MUC12: variants seen among roughly 807,000 people sequenced by gnomAD.
The protein encoded by MUC12 is mucin 12, cell surface associated.
Under a neutral mutation model 230.8 loss-of-function variants are expected in MUC12, and 172 were observed. The observed-to-expected ratio is 0.75, with a 90% CI of 0.66 to 0.85. MUC12 has a LOEUF of 0.85. Ranked by LOEUF, MUC12 falls within the 40% of genes least tolerant of loss-of-function variation. MUC12 has a pLI of 0.00. For missense variants in MUC12, 3,506 were observed against 5,920.6 expected (o/e 0.59, Z 13.38); for synonymous variants, 1,259 against 2,401.9 (o/e 0.52, Z 13.91).
intron 1 of MUC12, among the ~76,000 whole-genome samples, chr7:100,985,927 G>C (rs1002123971): frequency 1.3e-5 from 2 of 152,166 alleles, no homozygotes; most frequent in African/African-American, 4.8e-5. Context: ...TCTGACCCTT[G>C]TATTCAGGGC....
intron 1 of MUC12, 180 bp from the exon 2 acceptor site, chr7:100,990,451 A>G (rs1051060655): frequency 1.4e-6 from 1 of 723,992 alleles, no homozygotes; most frequent in Non-Finnish European, 2.2e-6. Context: ...CATCAATAAA[A>G]TTTCTTCAAA....
chr7:101,015,564 T>A, intron 9 of MUC12, 51 bp from the exon 10 acceptor site: 1 of 1,487,514 alleles, frequency 6.7e-7, no homozygotes, highest in Non-Finnish European at 9.1e-7. Context: ...GTCCACCAAG[T>A]CCCTCCTCAG....
chr7:101,015,837 G>A, intron 10 of MUC12, 146 bp downstream of exon 10: 2 of 692,364 alleles, frequency 2.9e-6, no homozygotes, highest in Non-Finnish European at 4.9e-6. Context: ...TGCCGCTGCA[G>A]CCCCGGACCC....
intron 10 of MUC12, chr7:101,017,318 GC>G (rs35197724): frequency 1.3e-4 from 59 of 448,654 alleles, no homozygotes; most frequent in African/African-American, 7.2e-4. Context: ...CTCCTCCGTG[GC>G]CCCCGCTTCC....
At position 100,992,227 on chromosome 7, in the gene MUC12, G is replaced by A. The variant is rs1793334442; in HGVS notation, c.1664G>A (p.Ser555Asn). 3.9e-6 allele frequency: 6 copies of A among 1,537,154 alleles called. No individual in the cohort carries two copies. The highest frequency in any genetic ancestry group is 1.4e-5 in the African/African-American group (1 of 72,978). ...LSQESTASHS[S>N]PGPTDTTLSP... ...CAGGAATCTACAGCTTCCCACAGCA[G>A]CCCAGGCCCCACAGACACAACATTG... Residue 555 changes from serine (S) to asparagine (N), a missense_variant, in exon 2 of 12, where the codon AGC becomes AAC. Physicochemically the swap from Ser to Asn is conservative, Grantham distance 46 (BLOSUM62 1). Transcript: ENST00000536621.
Position 101,018,584 on chromosome 7 carries a change from C to G in MUC12, c.15967-11C>G, listed in dbSNP as rs761072500. On this transcript the variant is annotated splice_polypyrimidine_tract_variant and intron_variant, in intron 11 of 11. Transcript: ENST00000536621. ...GCCCCTTGGCCTCACCTCTTCTCTC[C>G]CGTCCCCCAGCTCCACATCCAGAGG... 7 of 1,536,088 alleles carry G rather than the reference C, an allele frequency of 4.6e-6. No homozygotes were observed. The highest frequency in any genetic ancestry group is 6.1e-6 in the Non-Finnish European group (7 of 1,146,326).
At position 100,991,565 on chromosome 7, in the gene MUC12, C is replaced by T. The variant is rs766344889; in HGVS notation, c.1002C>T (p.His334=). The T allele has an allele frequency of 6.5e-7, 1 of 1,537,424 alleles. No individual in the cohort carries two copies. The highest frequency in any genetic ancestry group is 1.2e-5 in the South Asian group (1 of 84,048). Residue 334 remains histidine (H), a synonymous_variant, in exon 2 of 12, where the codon CAC becomes CAT. Coordinates refer to ENST00000536621, the MANE Select transcript of MUC12 (RefSeq NM_001164462.2). ...ATAGTGAGGAATCGACACCAGTCCA[C>T]AGCAGCCCAGTTGCAACTGCAACAA... ...LGHSEESTPV[H]SSPVATATTP... is the part of the protein sequence containing the mutation.
Position 101,003,591 on chromosome 7 carries a change from C to G in MUC12, c.13028C>G (p.Pro4343Arg). ...TCGAAGGACACTACCCCTGCACCTC[C>G]TACTACCACATCAGCCTTTGTTGAG... ...PNSKDTTPAP[P>R]TTTSAFVELS... The change falls in exon 2 of 12, where the codon CCT becomes CGT. Residue 4343 changes from proline to arginine, a missense_variant. Pro to Arg is a moderately radical substitution (Grantham distance 103, BLOSUM62 -2). Coordinates refer to ENST00000536621, the MANE Select transcript of MUC12 (RefSeq NM_001164462.2). 5.9e-6 allele frequency: 9 copies of G among 1,530,368 alleles called. No individual in the cohort carries two copies. In the South Asian group the frequency reaches 8.3e-5, roughly 14 times the overall value. 94.8% of individuals were successfully genotyped at this position (1,530,368 alleles called of 1,614,324 possible).
chr7:100,985,322 T>C (rs542299832), intron 1 of MUC12, among the ~76,000 whole-genome samples: 1 of 152,290 alleles, frequency 6.6e-6, no homozygotes, highest in East Asian at 1.9e-4. Context: ...AGTTTGTCCA[T>C]CTGGGTGGTG....
intron 1 of MUC12, among the ~76,000 whole-genome samples, chr7:100,985,948 C>T (rs1793181536): frequency 6.6e-6 from 1 of 152,122 alleles, no homozygotes; most frequent in African/African-American, 2.4e-5. Context: ...TCAGAGATGC[C>T]CCACCTCCAC....
chr7:100,991,517 T>G lies in MUC12; in HGVS notation c.954T>G (p.Ser318=), dbSNP rs1479907357. ...SPSSTPTTHF[S]ASSTTLGHSE... Reference sequence around the variant, plus strand: ...GCTCAACTCCAACAACCCACTTTTCTGCCAGCTCCACAACCTTGGGCCATA... The same window carrying G: ...GCTCAACTCCAACAACCCACTTTTCGGCCAGCTCCACAACCTTGGGCCATA... The change falls in exon 2 of 12, where the codon TCT becomes TCG. Residue 318 remains serine, a synonymous_variant. Transcript: ENST00000536621. The G allele has an allele frequency of 1.3e-6, 2 of 1,537,238 alleles. No individual in the cohort carries two copies. The highest frequency in any genetic ancestry group is 3.9e-5 in the Admixed American group (2 of 50,976).
At chr7:100,972,833 T>C (rs1428857564) in intron 1 of MUC12, 1 of 701,898 alleles carries the variant, frequency 1.4e-6, no homozygotes, top group South Asian at 1.5e-5. Flanking sequence ...CTTCCTACTC[T>C]CTGCACGCTT....
chr7:101,012,708 C>G, intron 6 of MUC12, 111 bp from the exon 7 acceptor site: 1 of 1,238,986 alleles, frequency 8.1e-7, no homozygotes, highest in Admixed American at 2.0e-5. Flanking sequence ...AAGACTCCCA[C>G]GGGCATTGGC....
In MUC12 at chr7:100,992,630, C is replaced by T. The variant is rs1485496146; in HGVS notation, c.2067C>T (p.Tyr689=). Reference sequence around the variant, plus strand: ...GCCTCGTTGAAGAATCTACGACCTACCACAGCAGCCCGGGCTCAACTCAAA... The same window carrying T: ...GCCTCGTTGAAGAATCTACGACCTATCACAGCAGCCCGGGCTCAACTCAAA... The part of the protein sequence containing the change: ...TSGLVEESTT[Y]HSSPGSTQTM... The change falls in exon 2 of 12, where the codon TAC becomes TAT. Residue 689 remains tyrosine, a synonymous_variant. Transcript: ENST00000536621. 3.3e-6 allele frequency: 5 copies of T among 1,537,284 alleles called. No individual in the cohort carries two copies. The highest frequency in any genetic ancestry group is 3.9e-5 in the Admixed American group (2 of 50,956).
chr7:101,008,590 T>C (rs767687213), intron 3 of MUC12, 44 bp from the exon 4 acceptor site: 24 of 1,524,680 alleles, frequency 1.6e-5, no homozygotes, highest in South Asian at 1.2e-4. Context: ...GGGGACATTA[T>C]TGGGAGGTCG....
chr7:101,007,331 C>T (rs1793770805), intron 3 of MUC12, among the ~76,000 whole-genome samples: 1 of 152,164 alleles, frequency 6.6e-6, no homozygotes, highest in South Asian at 2.1e-4. Context: ...AATACTAGGT[C>T]TTATTCATCC....
intron 1 of MUC12, among the ~76,000 whole-genome samples, chr7:100,980,628 A>T (rs1444490747): frequency 2.0e-5 from 3 of 152,256 alleles, no homozygotes; most frequent in Non-Finnish European, 4.4e-5. Flanking sequence ...TGTCATCGTT[A>T]AAATGATATC....
At chr7:100,972,758 G>A (rs1487130558) in intron 1 of MUC12, 14 of 658,908 alleles carry the variant, frequency 2.1e-5, no homozygotes, top group South Asian at 8.5e-5. Flanking sequence ...TGCTCAGCTC[G>A]AACTCCCAAA....
At chr7:100,973,191 G>T in intron 1 of MUC12, 2 of 496,962 alleles carry the variant, frequency 4.0e-6, no homozygotes, top group South Asian at 4.5e-5. Context: ...AAGCTATCCT[G>T]GGAGGAGGAC....
Sources: allele counts gnomAD v4.1 joint callset (sites outside exome capture counted in the v4.1 genomes callset), GRCh38; gene constraint gnomAD v4.1.1; transcripts MANE v1.5; gene names NCBI Gene and HGNC (gene_info 2026-07-23, HGNC 2026-07-21).